Variants in MSI2 observed in about 807,000 individuals in gnomAD.
The protein encoded by MSI2 is RNA-binding protein Musashi homolog 2.
A neutral mutation model predicts 45.6 loss-of-function variants in MSI2; 17 were observed. That is an observed-to-expected ratio of 0.37 (90% confidence interval 0.26 to 0.56). The LOEUF is 0.56. Ranked by LOEUF, MSI2 falls within the 20% of genes least tolerant of loss-of-function variation. MSI2 has a pLI of 0.77. For missense variants in MSI2, 293 were observed against 444.2 expected, an observed-to-expected ratio of 0.66 and a Z score of 3.06; for synonymous variants, 156 against 158.2, an observed-to-expected ratio of 0.99 and a Z score of 0.11.
intron 11 of MSI2, among the ~76,000 whole-genome samples, chr17:57,659,132 G>A (rs1911813318): frequency 6.6e-6 from 1 of 152,108 alleles, no homozygotes; most frequent in African/African-American, 2.4e-5. Context: ...AGGCTGGAAT[G>A]AAGTGCAGTC....
intron 6 of MSI2, among the ~76,000 whole-genome samples, chr17:57,430,183 C>T (rs973156022): frequency 9.9e-5 from 15 of 152,210 alleles, no homozygotes; most frequent in African/African-American, 3.6e-4. Flanking sequence ...ATTGGAAATT[C>T]TGTAGCCACC....
chr17:57,367,538 C>T (rs996657709), intron 5 of MSI2, among the ~76,000 whole-genome samples: 2 of 152,078 alleles, frequency 1.3e-5, no homozygotes, highest in South Asian at 2.1e-4. Context: ...CCCATTGGGC[C>T]GGAACAGCCC....
At position 57,510,424 on chromosome 17, in the gene MSI2, G is replaced by A. The variant is rs563979967; in HGVS notation, c.406-19252G>A. On this transcript the variant is annotated intron_variant, in intron 6 of 13. Transcript: ENST00000284073. Reference sequence around the variant, plus strand: ...TGTTTTTTTTTTTGTTTGTTTGTTTGTTTTGTCTTTTGTTTTTCTGGAGAC... The same window carrying A: ...TGTTTTTTTTTTTGTTTGTTTGTTTATTTTGTCTTTTGTTTTTCTGGAGAC... Among the ~76,000 whole-genome samples, 8 of 150,328 alleles carry A rather than the reference G, an allele frequency of 5.3e-5. No individual in the cohort carries two copies. In the South Asian group the frequency reaches 1.7e-3, roughly 31 times the overall value.
chr17:57,441,974 C>A (rs2084807193), intron 6 of MSI2, among the ~76,000 whole-genome samples: 1 of 152,056 alleles, frequency 6.6e-6, no homozygotes, highest in Non-Finnish European at 1.5e-5. Flanking sequence ...TGGAGACCTC[C>A]CTTGCTTGGC....
the MSI2 span, among the ~76,000 whole-genome samples, chr17:57,692,806 T>C: frequency 3.3e-5 from 5 of 152,160 alleles, no homozygotes; most frequent in Non-Finnish European, 5.9e-5. Context: ...CTAAATCTAC[T>C]GTTGTTTTTT....
intron 5 of MSI2, among the ~76,000 whole-genome samples, chr17:57,377,852 G>T (rs2083526286): frequency 6.6e-6 from 1 of 152,120 alleles, no homozygotes; most frequent in Non-Finnish European, 1.5e-5. Context: ...AAGGCGGGTG[G>T]ATCACGAGGT....
At chr17:57,424,053 G>C (rs1277738238) in intron 6 of MSI2, among the ~76,000 whole-genome samples, 1 of 152,210 alleles carries the variant, frequency 6.6e-6, no homozygotes, top group Non-Finnish European at 1.5e-5. Context: ...GGCAATCACT[G>C]TGATGTTCCA....
chr17:57,667,233 G>A (rs978471984), intron 11 of MSI2, among the ~76,000 whole-genome samples: 1 of 152,212 alleles, frequency 6.6e-6, no homozygotes, highest in African/African-American at 2.4e-5. Flanking sequence ...ATTCTAACCT[G>A]TGTGGGCCTG....
chr17:57,595,692 C>T (rs933900404), intron 7 of MSI2, among the ~76,000 whole-genome samples: 1 of 151,056 alleles, frequency 6.6e-6, no homozygotes, highest in Non-Finnish European at 1.5e-5. Flanking sequence ...AATACCATCA[C>T]ATTGGGAGTT....
chr17:57,335,610 A>G (rs1057023758), intron 5 of MSI2, among the ~76,000 whole-genome samples: 6 of 152,236 alleles, frequency 3.9e-5, no homozygotes, highest in African/African-American at 1.4e-4. Context: ...GCGCTGTTGT[A>G]GGCACTGGGG....
At chr17:57,456,462 G>A (rs2085116668) in intron 6 of MSI2, among the ~76,000 whole-genome samples, 2 of 152,168 alleles carry the variant, frequency 1.3e-5, no homozygotes, top group South Asian at 4.1e-4. Flanking sequence ...GGGGCGTGGT[G>A]GCAGGCACCT....
intron 9 of MSI2, among the ~76,000 whole-genome samples, chr17:57,622,553 G>C (rs1054611645): frequency 6.6e-6 from 1 of 152,090 alleles, no homozygotes; most frequent in Admixed American, 6.5e-5. Context: ...ATCAGCTAAA[G>C]CACGTTAGCC....
At chr17:57,368,259 C>T (rs2083369062) in intron 5 of MSI2, among the ~76,000 whole-genome samples, 3 of 152,082 alleles carry the variant, frequency 2.0e-5, no homozygotes, top group Admixed American at 2.0e-4. Flanking sequence ...TTAAAAATGT[C>T]TCAATTTTGG....
chr17:57,312,418 T>A (rs961272280), intron 5 of MSI2, among the ~76,000 whole-genome samples: 1 of 152,210 alleles, frequency 6.6e-6, no homozygotes, highest in Non-Finnish European at 1.5e-5. Context: ...TGCTGACCTC[T>A]GGCTTCAAGG....
chr17:57,574,354 A>G (rs1190854771), intron 7 of MSI2, among the ~76,000 whole-genome samples: 1 of 152,264 alleles, frequency 6.6e-6, no homozygotes, highest in Non-Finnish European at 1.5e-5. Context: ...TGGTTGGCAG[A>G]AAACCAGGAG....
intron 5 of MSI2, among the ~76,000 whole-genome samples, chr17:57,329,107 A>G (rs1914053841): frequency 6.6e-6 from 1 of 152,012 alleles, no homozygotes; most frequent in African/African-American, 2.4e-5. Flanking sequence ...CTGAGATGGT[A>G]TTTGGACAGT....
At chr17:57,380,153 C>T (rs1401569617) in intron 5 of MSI2, among the ~76,000 whole-genome samples, 5 of 152,090 alleles carry the variant, frequency 3.3e-5, no homozygotes, top group African/African-American at 9.7e-5. Context: ...CCCCTCTTCC[C>T]GCTCTTATTA....
chr17:57,451,717 T>C (rs764015498), intron 6 of MSI2, among the ~76,000 whole-genome samples: 4 of 152,222 alleles, frequency 2.6e-5, no homozygotes, highest in African/African-American at 9.6e-5. Context: ...GAGCTGCAGA[T>C]TTTGAGAAAG....
At chr17:57,437,490 A>G (rs796693161) in intron 6 of MSI2, among the ~76,000 whole-genome samples, 90 of 152,236 alleles carry the variant, frequency 5.9e-4, no homozygotes, top group African/African-American at 2.0e-3. Flanking sequence ...TTGGGGGTTG[A>G]ATTATTGGGG....
Sources: gnomAD v4.1 joint callset for allele counts (sites outside exome capture counted in the v4.1 genomes callset) on GRCh38, gnomAD v4.1.1 for gene constraint, MANE v1.5 for transcripts, NCBI Gene and HGNC (gene_info 2026-07-23, HGNC 2026-07-21) for gene names.